MYO3B: variants seen among roughly 807,000 people sequenced by gnomAD.
The protein encoded by MYO3B is myosin IIIB.
Under a neutral mutation model 174.6 loss-of-function variants are expected in MYO3B, and 156 were observed. The ratio of observed to expected loss-of-function variants is 0.89; its 90% CI spans 0.78 to 1.02. MYO3B has a LOEUF of 1.02. MYO3B is among the 50% of genes least tolerant of loss of function. MYO3B has a pLI of 0.00. For missense variants in MYO3B, 1,632 were observed against 1,639.4 expected, an observed-to-expected ratio of 1.00 and a Z score of 0.08; for synonymous variants, 563 against 569.1, an observed-to-expected ratio of 0.99 and a Z score of 0.15.
rs114366568 is a variant in MYO3B, at chr2:170,192,400, T to C, written c.3-6808T>C. Among the ~76,000 whole-genome samples, 1,452 of 151,406 alleles carry C rather than the reference T, an allele frequency of 9.6e-3. 13 individuals carry two copies. The highest frequency in any genetic ancestry group is 0.041 in the Middle Eastern group (12 of 292). ...TTTAGCGATTTTCAAAGTAGTCATATAATTTTTGAATTTCTTATGCATCTT... is the reference window on the plus strand; with the variant it reads ...TTTAGCGATTTTCAAAGTAGTCATACAATTTTTGAATTTCTTATGCATCTT... On this transcript the variant is annotated intron_variant, in intron 1 of 34. Transcript: ENST00000408978.
At chr2:170,603,026 C>G (rs1185773644) in intron 32 of MYO3B, among the ~76,000 whole-genome samples, 3 of 152,172 alleles carry the variant, frequency 2.0e-5, no homozygotes. Context: ...CAAGATCGCA[C>G]CATTGCACTC....
At chr2:170,620,714 T>C (rs2105330315) in intron 32 of MYO3B, among the ~76,000 whole-genome samples, 1 of 152,212 alleles carries the variant, frequency 6.6e-6, no homozygotes, top group East Asian at 1.9e-4. Flanking sequence ...TTTGTGTCAC[T>C]GTTGAAGAAC....
At position 170,501,392 on chromosome 2, in the gene MYO3B, A is replaced by G. The variant is rs557545951; in HGVS notation, c.3290-393A>G. Among the ~76,000 whole-genome samples the G allele has an allele frequency of 3.9e-5, 6 of 152,308 alleles. No individual in the cohort carries two copies. The East Asian group carries it at 1.2e-3, about 29-fold the overall frequency. ...TAACAGATTTTGAAAGGGTCAGGCT[A>G]TTCCAGTTCCTTTCTACCATCCCTG... On this transcript the variant is annotated intron_variant, in intron 27 of 34. Transcript: ENST00000408978.
At chr2:170,644,098 C>G (rs1330532618) in intron 32 of MYO3B, among the ~76,000 whole-genome samples, 1 of 152,146 alleles carries the variant, frequency 6.6e-6, no homozygotes, top group African/African-American at 2.4e-5. Context: ...CGACAAAAGC[C>G]TCATTTGTGA....
chr2:170,593,078 G>T (rs899535103), intron 32 of MYO3B, among the ~76,000 whole-genome samples: 1 of 152,102 alleles, frequency 6.6e-6, no homozygotes, highest in East Asian at 1.9e-4. Flanking sequence ...TGTCTATAGC[G>T]AGAGGAGGAG....
chr2:170,258,069 A>G (rs924593778), intron 7 of MYO3B, among the ~76,000 whole-genome samples: 5 of 152,142 alleles, frequency 3.3e-5, no homozygotes, highest in African/African-American at 4.8e-5. Flanking sequence ...TTGAATCACT[A>G]TTTAAAAATT....
chr2:170,268,972 T>G (rs2093405026), intron 7 of MYO3B, among the ~76,000 whole-genome samples: 1 of 152,170 alleles, frequency 6.6e-6, no homozygotes, highest in African/African-American at 2.4e-5. Flanking sequence ...CATTGCATGA[T>G]TCAGGTAAGA....
chr2:170,563,804 C>G (rs1253818073), intron 32 of MYO3B, among the ~76,000 whole-genome samples: 1 of 152,274 alleles, frequency 6.6e-6, no homozygotes, highest in East Asian at 1.9e-4. Flanking sequence ...TGCTGGAGCT[C>G]CAGCCATCAT....
chr2:170,214,956 C>A, intron 5 of MYO3B, 128 bp downstream of exon 5: 5 of 677,344 alleles, frequency 7.4e-6, no homozygotes, highest in South Asian at 3.6e-5. Flanking sequence ...CAGTCAAACA[C>A]AAGCTGGAGG....
intron 25 of MYO3B, among the ~76,000 whole-genome samples, chr2:170,492,796 T>C (rs557646389): frequency 3.4e-4 from 52 of 152,206 alleles, no homozygotes; most frequent in Non-Finnish European, 7.1e-4. Flanking sequence ...GGAAAAGCAA[T>C]GTTTGGTCGT....
intron 30 of MYO3B, among the ~76,000 whole-genome samples, chr2:170,527,702 T>C (rs1277615170): frequency 6.6e-6 from 1 of 152,170 alleles, no homozygotes; most frequent in Admixed American, 6.5e-5. Flanking sequence ...TCCAACTACC[T>C]CAATGACCTT....
At chr2:170,559,862 A>T (rs1319713002) in intron 32 of MYO3B, among the ~76,000 whole-genome samples, 2 of 151,928 alleles carry the variant, frequency 1.3e-5, no homozygotes, top group Non-Finnish European at 1.5e-5. Context: ...TAAGGTTTTT[A>T]TTACACTAAA....
chr2:170,625,360 G>A (rs1188409586), intron 32 of MYO3B, among the ~76,000 whole-genome samples: 1 of 152,202 alleles, frequency 6.6e-6, no homozygotes. Context: ...GCATAGAGGT[G>A]TTTATAGTAT....
At chr2:170,304,351 A>G (rs1482231242) in intron 7 of MYO3B, among the ~76,000 whole-genome samples, 1 of 151,786 alleles carries the variant, frequency 6.6e-6, no homozygotes, top group Non-Finnish European at 1.5e-5. Flanking sequence ...TCTTGTTTTC[A>G]TTATTTTGAT....
intron 14 of MYO3B, among the ~76,000 whole-genome samples, chr2:170,387,684 C>T (rs1333621389): frequency 6.6e-6 from 1 of 152,000 alleles, no homozygotes; most frequent in African/African-American, 2.4e-5. Context: ...TAGATTGAGA[C>T]AGATAGAGAA....
At chr2:170,511,911 C>T (rs1688014645) in intron 28 of MYO3B, among the ~76,000 whole-genome samples, 1 of 152,132 alleles carries the variant, frequency 6.6e-6, no homozygotes, top group South Asian at 2.1e-4. Context: ...AGAAAGAAAT[C>T]CTGAAGCTGG....
intron 30 of MYO3B, among the ~76,000 whole-genome samples, chr2:170,540,664 AC>A (rs201332930): frequency 1.5e-4 from 22 of 145,030 alleles, no homozygotes; most frequent in African/African-American, 7.7e-5. Context: ...ACAAAAAACA[AC>A]AAAAAAAACA....
chr2:170,244,203 C>G (rs2093166280), intron 7 of MYO3B, among the ~76,000 whole-genome samples: 1 of 152,094 alleles, frequency 6.6e-6, no homozygotes, highest in South Asian at 2.1e-4. Context: ...TCCTTTTAGC[C>G]CCCTTAGTAG....
intron 8 of MYO3B, chr2:170,344,330 GT>G (rs1272703067): frequency 3.9e-5 from 6 of 152,468 alleles, no homozygotes; most frequent in African/African-American, 1.4e-4. Flanking sequence ...GCCTGGTGTG[GT>G]GGTGGGTACC....
Sources: gnomAD v4.1 joint callset for allele counts (sites outside exome capture counted in the v4.1 genomes callset) on GRCh38, gnomAD v4.1.1 for gene constraint, MANE v1.5 for transcripts, NCBI Gene and HGNC (gene_info 2026-07-23, HGNC 2026-07-21) for gene names.